The following ABCB5 variants were observed in gnomAD, a reference collection of about 807,000 sequenced individuals.
ABCB5 encodes ATP-binding cassette sub-family B member 5.
ABCB5 carries 155 observed loss-of-function variants against 144.2 expected under a neutral mutation model. The ratio of observed to expected loss-of-function variants is 1.08; its 90% CI spans 0.94 to 1.23. ABCB5 has a LOEUF of 1.23. Among genes scored for constraint, ABCB5 ranks in the 50% most tolerant of loss-of-function variants. ABCB5 has a pLI of 0.00. For missense variants in ABCB5, 1,830 were observed against 1,520.8 expected, an observed-to-expected ratio of 1.20 and a Z score of -3.38; for synonymous variants, 610 against 528.6, an observed-to-expected ratio of 1.15 and a Z score of -2.11.
chr7:20,691,287 T>C (rs887225385), intron 16 of ABCB5, among the ~76,000 whole-genome samples: 3 of 148,344 alleles, frequency 2.0e-5, no homozygotes, highest in Non-Finnish European at 4.4e-5. Flanking sequence ...CGAAACTCAG[T>C]GGACTTTGAG....
At chr7:20,624,768 C>A (rs1783871151) in intron 2 of ABCB5, among the ~76,000 whole-genome samples, 1 of 152,164 alleles carries the variant, frequency 6.6e-6, no homozygotes, top group South Asian at 2.1e-4. Flanking sequence ...AGATCCCCTC[C>A]AGCTTGAAAA....
Position 20,699,859 on chromosome 7 carries a change from A to G in ABCB5, c.2189A>G (p.His730Arg), listed in dbSNP as rs1583434370. 6.2e-7 allele frequency: 1 copy of G among 1,612,050 alleles called. No homozygotes were observed. The highest frequency in any genetic ancestry group is 2.2e-5 in the East Asian group (1 of 44,784). The change falls in exon 18 of 28, where the codon CAT becomes CGT. Residue 730 changes from histidine to arginine, a missense_variant. By Grantham distance (29) the His-to-Arg change is conservative. Coordinates refer to ENST00000404938, the MANE Select transcript of ABCB5 (RefSeq NM_001163941.2). ...FGNNDKTTLK[H>R]DAEIYSMIFV... ...AATAATGATAAAACCACATTAAAGC[A>G]TGATGCAGAAATTTATTCCATGATA...
At chr7:20,724,066 G>A (rs1238138897) in intron 21 of ABCB5, among the ~76,000 whole-genome samples, 1 of 152,136 alleles carries the variant, frequency 6.6e-6, no homozygotes, top group African/African-American at 2.4e-5. Context: ...CAACATCCCT[G>A]TCAAGCGTCC....
At chr7:20,669,757 G>A (rs1349558316) in intron 14 of ABCB5, among the ~76,000 whole-genome samples, 97 of 138,262 alleles carry the variant, frequency 7.0e-4, no homozygotes, top group Non-Finnish European at 1.0e-3. Context: ...AATAACATTC[G>A]TAACTTTGAG....
At chr7:20,651,760 T>A in intron 13 of ABCB5, 137 bp downstream of exon 13, 8 of 867,536 alleles carry the variant, frequency 9.2e-6, no homozygotes, top group Non-Finnish European at 1.4e-5. Flanking sequence ...AACAAGCTTG[T>A]CCAACCAGTG....
At chr7:20,725,538 C>G (rs747904964) in intron 21 of ABCB5, among the ~76,000 whole-genome samples, 15 of 152,210 alleles carry the variant, frequency 9.9e-5, no homozygotes, top group African/African-American at 2.2e-4. Context: ...AAGATCGCAC[C>G]ACTGCACTCC....
At chr7:20,698,057 C>T (rs1583433085) in intron 16 of ABCB5, among the ~76,000 whole-genome samples, 1 of 152,106 alleles carries the variant, frequency 6.6e-6, no homozygotes, top group Non-Finnish European at 1.5e-5. Context: ...TCCTGTAGTA[C>T]AATATTCCAT....
intron 20 of ABCB5, among the ~76,000 whole-genome samples, chr7:20,711,186 G>C (rs138959127): frequency 6.7e-6 from 1 of 149,366 alleles, no homozygotes; most frequent in Non-Finnish European, 1.5e-5. Context: ...TTTTATTAAA[G>C]AATTTTAAAT....
chr7:20,706,721 C>G (rs767704100), intron 20 of ABCB5, among the ~76,000 whole-genome samples: 4 of 152,162 alleles, frequency 2.6e-5, no homozygotes, highest in Non-Finnish European at 5.9e-5. Flanking sequence ...AAGGGGTAAA[C>G]TGTCCCAGGT....
chr7:20,702,340 T>C (rs1194569471), intron 19 of ABCB5, among the ~76,000 whole-genome samples: 1 of 152,192 alleles, frequency 6.6e-6, no homozygotes, highest in Admixed American at 6.5e-5. Context: ...TTCTTTAAAT[T>C]ATGATAGCAT....
chr7:20,724,386 G>T (rs971824737), intron 21 of ABCB5, among the ~76,000 whole-genome samples: 1 of 151,930 alleles, frequency 6.6e-6, no homozygotes, highest in Non-Finnish European at 1.5e-5. Flanking sequence ...CCAGAACTTT[G>T]GGAGGCCGAG....
chr7:20,616,136 A>G (rs1414650064), intron 1 of ABCB5, among the ~76,000 whole-genome samples: 4 of 152,198 alleles, frequency 2.6e-5, no homozygotes, highest in Non-Finnish European at 5.9e-5. Context: ...CCAGGGTTCA[A>G]GAGATTTTCC....
intron 15 of ABCB5, among the ~76,000 whole-genome samples, chr7:20,683,408 A>G (rs1213614588): frequency 6.6e-6 from 1 of 152,218 alleles, no homozygotes; most frequent in African/African-American, 2.4e-5. Flanking sequence ...TTTGAAACTA[A>G]TATGAGTTGG....
intron 11 of ABCB5, among the ~76,000 whole-genome samples, chr7:20,649,569 G>C (rs778720493): frequency 1.3e-5 from 2 of 152,220 alleles, no homozygotes; most frequent in East Asian, 1.9e-4. Flanking sequence ...CTCATCTATC[G>C]GGAGCCACTA....
At chr7:20,689,472 T>G (rs1329540861) in intron 16 of ABCB5, among the ~76,000 whole-genome samples, 1 of 152,172 alleles carries the variant, frequency 6.6e-6, no homozygotes, top group African/African-American at 2.4e-5. Context: ...TAGCCAAGAT[T>G]GTCATCTGCA....
intron 20 of ABCB5, among the ~76,000 whole-genome samples, chr7:20,722,337 C>G (rs562640521): frequency 6.6e-6 from 1 of 152,162 alleles, no homozygotes; most frequent in Non-Finnish European, 1.5e-5. Context: ...GTAACTTCAG[C>G]TTTCAACACA....
At chr7:20,666,866 A>C (rs1785214147) in intron 14 of ABCB5, 1 of 1,371,014 alleles carries the variant, frequency 7.3e-7, no homozygotes, top group Non-Finnish European at 9.5e-7. Context: ...CTTTACACTA[A>C]TTCTGGCTAA....
At chr7:20,709,767 A>T (rs901835450) in intron 20 of ABCB5, among the ~76,000 whole-genome samples, 1 of 149,960 alleles carries the variant, frequency 6.7e-6, no homozygotes, top group African/African-American at 2.5e-5. Flanking sequence ...AACAATAGGT[A>T]AACATGACAG....
In ABCB5 at chr7:20,616,186, G is replaced by C. The variant is rs184433429; in HGVS notation, c.-22+349G>C. Among the ~76,000 whole-genome samples, 461 of 152,268 alleles carry C rather than the reference G, an allele frequency of 3.0e-3. 11 individuals carry two copies. The highest frequency in any genetic ancestry group is 0.028 in the Admixed American group (424 of 15,280). Reference sequence around the variant, plus strand: ...GAGTAGCTGGGATTGCAGGTGCCCAGCACCATGCCCAGCTAATTTTTTTAT... The same window carrying C: ...GAGTAGCTGGGATTGCAGGTGCCCACCACCATGCCCAGCTAATTTTTTTAT... On this transcript the variant is annotated intron_variant, in intron 1 of 27. Coordinates refer to ENST00000404938, the MANE Select transcript of ABCB5 (RefSeq NM_001163941.2).
Sources: gnomAD v4.1 joint callset for allele counts (sites outside exome capture counted in the v4.1 genomes callset) on GRCh38, gnomAD v4.1.1 for gene constraint, MANE v1.5 for transcripts, NCBI Gene and HGNC (gene_info 2026-07-23, HGNC 2026-07-21) for gene names.